TTC39B: variants seen among roughly 807,000 people sequenced by gnomAD.
TTC39B encodes tetratricopeptide repeat domain 39B, also known as tetratricopeptide repeat protein 39B.
In TTC39B, 92 loss-of-function variants were observed where a neutral mutation model predicts 96.6. The ratio of observed to expected loss-of-function variants is 0.95; its 90% CI spans 0.80 to 1.13. TTC39B has a LOEUF of 1.13. TTC39B is among the 50% of genes most tolerant of loss of function. TTC39B has a pLI of 0.00. For missense variants in TTC39B, 955 were observed against 809.3 expected, an observed-to-expected ratio of 1.18 and a Z score of -2.18; for synonymous variants, 367 against 299.4, an observed-to-expected ratio of 1.23 and a Z score of -2.33.
intron 2 of TTC39B, among the ~76,000 whole-genome samples, chr9:15,263,123 G>C (rs1464152181): frequency 6.6e-6 from 1 of 152,176 alleles, no homozygotes; most frequent in Non-Finnish European, 1.5e-5. Flanking sequence ...GCCAACTGCA[G>C]AACTGGGGAC....
chr9:15,275,892 A>G (rs1448852422), intron 1 of TTC39B, among the ~76,000 whole-genome samples: 1 of 152,250 alleles, frequency 6.6e-6, no homozygotes. Flanking sequence ...AAAGTGATCT[A>G]CACACAATGC....
chr9:15,281,967 C>T (rs1461340870), intron 1 of TTC39B, among the ~76,000 whole-genome samples: 1 of 152,130 alleles, frequency 6.6e-6, no homozygotes, highest in East Asian at 1.9e-4. Context: ...CATGAGCCAC[C>T]ACACACAGAC....
chr9:15,190,728 A>T (rs1818810891), intron 10 of TTC39B, 66 bp from the exon 11 acceptor site: 2 of 1,321,130 alleles, frequency 1.5e-6, no homozygotes, highest in African/African-American at 1.5e-5. Context: ...GAAACTTTTT[A>T]AACATTTTTA....
At chr9:15,214,287 C>G (rs375935227) in intron 3 of TTC39B, 38 bp from the exon 4 acceptor site, 1 of 1,500,538 alleles carries the variant, frequency 6.7e-7, no homozygotes, top group African/African-American at 1.4e-5. Flanking sequence ...ATTTCTATAG[C>G]TTTACGATCA....
intron 2 of TTC39B, among the ~76,000 whole-genome samples, chr9:15,228,807 A>G (rs1280839798): frequency 6.6e-6 from 1 of 152,236 alleles, no homozygotes; most frequent in Non-Finnish European, 1.5e-5. Context: ...AAAAGCTAAA[A>G]TTATTGTATC....
At chr9:15,196,365 G>A (rs1464089093) in intron 8 of TTC39B, among the ~76,000 whole-genome samples, 1 of 152,158 alleles carries the variant, frequency 6.6e-6, no homozygotes, top group Non-Finnish European at 1.5e-5. Flanking sequence ...AAAACCTTCT[G>A]GAAAGGATTC....
chr9:15,247,584 G>A (rs1474502117), intron 2 of TTC39B, among the ~76,000 whole-genome samples: 1 of 152,052 alleles, frequency 6.6e-6, no homozygotes, highest in South Asian at 2.1e-4. Context: ...TTTTCCATTA[G>A]CATTCCTCTT....
exon 20 of TTC39B, chr9:15,167,028 A>ATATATATTTTTT (rs1554758710): frequency 9.1e-5 from 1 of 11,038 alleles, no homozygotes; most frequent in African/African-American, 2.9e-4. Context: ...ATATATATAT[A>ATATATATTTTTT]TTTTTTTTTT....
chr9:15,251,694 C>CATATAAATATATAT (rs59081141), intron 2 of TTC39B, among the ~76,000 whole-genome samples: 5 of 61,810 alleles, frequency 8.1e-5, no homozygotes, highest in Admixed American at 1.9e-4. Flanking sequence ...CACACACATA[C>CATATAAATATATAT]ATATACATAT....
At chr9:15,198,240 C>T (rs768332902) in intron 8 of TTC39B, among the ~76,000 whole-genome samples, 17 of 151,870 alleles carry the variant, frequency 1.1e-4, no homozygotes, top group African/African-American at 3.1e-4. Flanking sequence ...GGGTGGATCA[C>T]GAGGTCAGGA....
At chr9:15,187,923 G>A (rs758991801) in intron 14 of TTC39B, 48 bp downstream of exon 14, 1 of 1,507,384 alleles carries the variant, frequency 6.6e-7, no homozygotes, top group Non-Finnish European at 8.9e-7. Flanking sequence ...AATCATCCTG[G>A]CCATGTATTA....
intron 14 of TTC39B, 113 bp downstream of exon 14, chr9:15,187,858 C>T: frequency 1.7e-6 from 2 of 1,149,150 alleles, no homozygotes; most frequent in African/African-American, 3.2e-5. Flanking sequence ...TTGTGGATCT[C>T]TAAGTTGAGA....
chr9:15,305,262 C>T (rs192439722), intron 1 of TTC39B, among the ~76,000 whole-genome samples: 1 of 152,282 alleles, frequency 6.6e-6, no homozygotes, highest in Admixed American at 6.5e-5. Flanking sequence ...GTCATATCTC[C>T]CTAATCAGAC....
chr9:15,181,134 G>A (rs1434358738), intron 17 of TTC39B, among the ~76,000 whole-genome samples: 2 of 152,156 alleles, frequency 1.3e-5, no homozygotes, highest in South Asian at 2.1e-4. Flanking sequence ...GGGGCTGGGG[G>A]TGGTGAAGAG....
chr9:15,207,589 T>C (rs1401333945), intron 6 of TTC39B, among the ~76,000 whole-genome samples: 2 of 152,162 alleles, frequency 1.3e-5, no homozygotes, highest in Non-Finnish European at 2.9e-5. Context: ...CATTTGTTTA[T>C]AACTCTGATC....
intron 7 of TTC39B, 73 bp from the exon 8 acceptor site, chr9:15,199,998 G>C (rs921956997): frequency 3.7e-6 from 3 of 808,706 alleles, no homozygotes; most frequent in Non-Finnish European, 3.8e-6. Flanking sequence ...TTGTGTGTTT[G>C]TGTGATTAGA....
intron 2 of TTC39B, chr9:15,249,867 A>G: frequency 8.5e-7 from 1 of 1,170,958 alleles, no homozygotes; most frequent in Non-Finnish European, 1.1e-6. Context: ...ATTTAAAGAG[A>G]ACATTTGAAT....
At chr9:15,247,762 C>T (rs138457829) in intron 2 of TTC39B, among the ~76,000 whole-genome samples, 2 of 139,054 alleles carry the variant, frequency 1.4e-5, no homozygotes, top group East Asian at 4.3e-4. Context: ...GGGCATGAGG[C>T]AAAAAAAAAC....
exon 20 of TTC39B, chr9:15,171,934 G>A (rs551648044): frequency 6.1e-4 from 633 of 1,039,838 alleles, no homozygotes; most frequent in Non-Finnish European, 8.6e-4. Flanking sequence ...TTATTCACAA[G>A]ATCATTTTTC....
Sources: allele counts gnomAD v4.1 joint callset (sites outside exome capture counted in the v4.1 genomes callset), GRCh38; gene constraint gnomAD v4.1.1; transcripts MANE v1.5; gene names NCBI Gene and HGNC (gene_info 2026-07-23, HGNC 2026-07-21).